Variants in PDE1C observed in about 807,000 individuals in gnomAD.
PDE1C encodes the protein dual specificity calcium/calmodulin-dependent 3',5'-cyclic nucleotide phosphodiesterase 1C.
Under a neutral mutation model 93.1 loss-of-function variants are expected in PDE1C, and 62 were observed. The ratio of observed to expected loss-of-function variants is 0.67; its 90% CI spans 0.54 to 0.82. The LOEUF (loss-of-function observed/expected upper bound fraction) is 0.82, where lower values mean the gene tolerates loss of function less well. Ranked by LOEUF, PDE1C falls within the 40% of genes least tolerant of loss-of-function variation. PDE1C has a pLI of 0.00. For missense variants in PDE1C, 742 were observed against 884.6 expected (o/e 0.84, Z 2.04); for synonymous variants, 325 against 310.1 (o/e 1.05, Z -0.50).
chr7:31,670,380 A>C, the PDE1C span, among the ~76,000 whole-genome samples: 4 of 152,164 alleles, frequency 2.6e-5, no homozygotes, highest in Admixed American at 2.6e-4. Context: ...ATTTCTCTAT[A>C]AAATTGAGCC....
At chr7:32,398,750 G>C (rs1784887553) in intron 1 of PDE1C, among the ~76,000 whole-genome samples, 1 of 151,972 alleles carries the variant, frequency 6.6e-6, no homozygotes, top group Non-Finnish European at 1.5e-5. Flanking sequence ...AGGGAACTTG[G>C]GGGAATAAAT....
chr7:32,295,723 C>T (rs1279986589), intron 1 of PDE1C, among the ~76,000 whole-genome samples: 1 of 151,866 alleles, frequency 6.6e-6, no homozygotes, highest in Non-Finnish European at 1.5e-5. Context: ...AACCCCACCT[C>T]TACTAAAAAT....
intron 11 of PDE1C, 86 bp downstream of exon 11, chr7:31,837,094 T>A (rs970027408): frequency 2.9e-6 from 4 of 1,375,410 alleles, no homozygotes; most frequent in Non-Finnish European, 4.0e-6. Context: ...GTAATCTCAA[T>A]AGTCCTTATC....
chr7:31,913,033 T>C (rs868030241), intron 2 of PDE1C, among the ~76,000 whole-genome samples: 25 of 152,176 alleles, frequency 1.6e-4, no homozygotes, highest in African/African-American at 5.8e-4. Context: ...GTTTTGGTGA[T>C]CAAGAGACAC....
At chr7:31,904,935 A>AT (rs1233127690) in intron 2 of PDE1C, among the ~76,000 whole-genome samples, 2 of 152,112 alleles carry the variant, frequency 1.3e-5, no homozygotes, top group Admixed American at 6.6e-5. Flanking sequence ...AGTATGCTAG[A>AT]TTTTTTTAAT....
At chr7:31,963,781 C>G (rs976550795) in intron 2 of PDE1C, among the ~76,000 whole-genome samples, 3 of 152,176 alleles carry the variant, frequency 2.0e-5, no homozygotes, top group Non-Finnish European at 4.4e-5. Flanking sequence ...TTAACTCAGT[C>G]TGGCATTGAA....
At chr7:32,086,032 G>A (rs545053285) in intron 3 of PDE1C, among the ~76,000 whole-genome samples, 3 of 151,736 alleles carry the variant, frequency 2.0e-5, no homozygotes, top group Admixed American at 6.6e-5. Flanking sequence ...GGAAATAAAG[G>A]GTATTCAATT....
At chr7:32,355,413 G>C (rs900763030) in intron 1 of PDE1C, among the ~76,000 whole-genome samples, 1 of 152,192 alleles carries the variant, frequency 6.6e-6, no homozygotes, top group Non-Finnish European at 1.5e-5. Flanking sequence ...TCGCTAGGTT[G>C]AGAGGGTTTT....
At chr7:31,740,623 T>A in the PDE1C span, among the ~76,000 whole-genome samples, 1 of 152,226 alleles carries the variant, frequency 6.6e-6, no homozygotes, top group Non-Finnish European at 1.5e-5. Flanking sequence ...AACATTACTA[T>A]AATAAAACTT....
At chr7:32,040,002 C>T (rs543322856) in intron 2 of PDE1C, among the ~76,000 whole-genome samples, 1 of 152,280 alleles carries the variant, frequency 6.6e-6, no homozygotes, top group East Asian at 1.9e-4. Flanking sequence ...TTCAAGACAA[C>T]TTTAAAATCT....
At position 31,864,923 on chromosome 7, in the gene PDE1C, A is replaced by C. The variant is rs568899182; in HGVS notation, c.750+19T>G. On this transcript the variant is annotated intron_variant, in intron 7 of 17. Coordinates refer to ENST00000396191, the MANE Select transcript of PDE1C (RefSeq NM_001191057.4). Reference sequence around the variant, plus strand: ...CCTTACATCTTTTGGGGAACCTAAGAGTTCCTATCCCTACTTACCGCCACT... The same window carrying C: ...CCTTACATCTTTTGGGGAACCTAAGCGTTCCTATCCCTACTTACCGCCACT... 3 of 1,608,712 alleles carry C rather than the reference A, an allele frequency of 1.9e-6. No individual in the cohort carries two copies. The highest frequency in any genetic ancestry group is 2.6e-6 in the Non-Finnish European group (3 of 1,175,762).
chr7:31,812,050 A>G (rs148821744), intron 15 of PDE1C, among the ~76,000 whole-genome samples: 3 of 152,278 alleles, frequency 2.0e-5, no homozygotes, highest in East Asian at 1.9e-4. Flanking sequence ...CTGTTACTCA[A>G]TAAACAAGGG....
chr7:31,642,901 A>G, the PDE1C span: 9 of 1,613,888 alleles, frequency 5.6e-6, no homozygotes, highest in South Asian at 5.5e-5. Context: ...GCTTGAGGCC[A>G]TGGAGGGGCC....
intron 2 of PDE1C, among the ~76,000 whole-genome samples, chr7:31,947,408 T>C (rs1806765926): frequency 1.3e-5 from 2 of 152,206 alleles, no homozygotes; most frequent in Admixed American, 6.5e-5. Context: ...TTAAACATCA[T>C]AGCATGTGTT....
chr7:31,972,911 C>G (rs1811152763), intron 2 of PDE1C, among the ~76,000 whole-genome samples: 1 of 152,090 alleles, frequency 6.6e-6, no homozygotes, highest in African/African-American at 2.4e-5. Context: ...TGATGCCAGG[C>G]CAACCCATAG....
intron 3 of PDE1C, among the ~76,000 whole-genome samples, chr7:32,136,234 C>T (rs138073001): frequency 6.0e-4 from 91 of 152,190 alleles, no homozygotes; most frequent in African/African-American, 1.8e-3. Context: ...AATTTTACTA[C>T]GGTAATCATT....
At chr7:31,714,299 C>T in the PDE1C span, among the ~76,000 whole-genome samples, 1 of 152,176 alleles carries the variant, frequency 6.6e-6, no homozygotes, top group Non-Finnish European at 1.5e-5. Context: ...CACCTTTCCT[C>T]CAGTTCCCAA....
chr7:32,229,175 C>T (rs1378983080), intron 1 of PDE1C, among the ~76,000 whole-genome samples: 1 of 152,178 alleles, frequency 6.6e-6, no homozygotes, highest in Non-Finnish European at 1.5e-5. Flanking sequence ...GAGTCCTGGG[C>T]TTTTTCCACA....
the PDE1C span, chr7:31,652,581 A>T: frequency 3.7e-6 from 6 of 1,612,118 alleles, no homozygotes; most frequent in Non-Finnish European, 5.1e-6. Context: ...ATATAACTGG[A>T]TAGAAGAAAG....
Sources: gnomAD v4.1 joint callset for allele counts (sites outside exome capture counted in the v4.1 genomes callset) on GRCh38, gnomAD v4.1.1 for gene constraint, MANE v1.5 for transcripts, NCBI Gene and HGNC (gene_info 2026-07-23, HGNC 2026-07-21) for gene names.